The following PCDHA3 variants were observed in gnomAD, a reference collection of about 807,000 sequenced individuals.
PCDHA3 encodes the protein protocadherin alpha 3, also known as protocadherin alpha-3.
A neutral mutation model predicts 62.2 loss-of-function variants in PCDHA3; 41 were observed. The observed-to-expected ratio is 0.66, with a 90% CI of 0.51 to 0.86. The LOEUF (loss-of-function observed/expected upper bound fraction) is 0.86. PCDHA3 is among the 40% of genes least tolerant of loss of function. PCDHA3 has a pLI of 0.00. For synonymous variants in PCDHA3, 640 were observed against 555.4 expected, an observed-to-expected ratio of 1.15 and a Z score of -2.14; for missense variants, 1,304 against 1,241.2, an observed-to-expected ratio of 1.05 and a Z score of -0.76.
chr5:140,967,147 C>A (rs782815903), intron 1 of PCDHA3: 7 of 1,611,068 alleles, frequency 4.3e-6, no homozygotes, highest in South Asian at 2.2e-5. Flanking sequence ...TGGCGCACAA[C>A]CCCGTGGCGG....
At chr5:140,863,761 A>C (rs1000713461) in intron 1 of PCDHA3, 5 of 242,322 alleles carry the variant, frequency 2.1e-5, no homozygotes, top group Non-Finnish European at 3.3e-5. Flanking sequence ...CACTTTGGGA[A>C]GCCGAGGCGG....
chr5:141,007,133 G>A (rs1588151080), intron 3 of PCDHA3, among the ~76,000 whole-genome samples: 1 of 152,128 alleles, frequency 6.6e-6, no homozygotes, highest in South Asian at 2.1e-4. Flanking sequence ...CAGATGAGGA[G>A]ACTGACAAAG....
chr5:140,803,768 C>G, intron 1 of PCDHA3, 177 bp downstream of exon 1: 3 of 1,075,578 alleles, frequency 2.8e-6, no homozygotes, highest in Non-Finnish European at 3.9e-6. Context: ...ATTTTTGAAC[C>G]AAATCAGCAG....
At chr5:141,000,430 T>A (rs1295455270) in intron 3 of PCDHA3, among the ~76,000 whole-genome samples, 2 of 126,420 alleles carry the variant, frequency 1.6e-5, no homozygotes, top group African/African-American at 6.1e-5. Context: ...TATTTTTTTT[T>A]TTTTTTTTTT....
chr5:140,820,435 C>T (rs1296857587), intron 1 of PCDHA3, among the ~76,000 whole-genome samples: 2 of 151,930 alleles, frequency 1.3e-5, no homozygotes, highest in Non-Finnish European at 2.9e-5. Context: ...AATAGAATTG[C>T]TAATCTCTTG....
In PCDHA3 at chr5:141,009,929, G is replaced by A; in HGVS notation, c.2845G>A (p.Asp949Asn). The A allele has an allele frequency of 1.2e-6, 2 of 1,603,732 alleles. No individual in the cohort carries two copies. Among genetic ancestry groups the A allele is most frequent in the Non-Finnish European group, 1.7e-6 (2 of 1,176,576 alleles). Residue 949 changes from aspartate to asparagine, a missense_variant, in exon 4 of 4, where the codon GAC (aspartate) becomes AAC (asparagine). Transcript: ENST00000522353. ...AGGGAACAGCACGACTGACAACAGT[G>A]ACCAGTGAGGTCCTCAAATGGAAAC... is the stretch of plus-strand genomic sequence containing the variant. ...EKGNSTTDNSDQ is the reference protein window; with the variant it reads ...EKGNSTTDNSNQ
At chr5:140,877,910 T>A in intron 1 of PCDHA3, 2 of 1,431,310 alleles carry the variant, frequency 1.4e-6, no homozygotes, top group African/African-American at 2.9e-5. Flanking sequence ...AACTACATTC[T>A]CTCATTTTTC....
chr5:141,007,084 AAG>A lies in PCDHA3; in HGVS notation c.2543-2538_2543-2537del, dbSNP rs576927752. On this transcript the variant is annotated intron_variant, in intron 3 of 3. Transcript: ENST00000522353. ...AGGAGAGAGTGAAGAGAAAATAGAG[AAG>A]AGAGTCTAGGGCCAAACCCAAGGAA... Among the ~76,000 whole-genome samples, 32 of 152,274 alleles carry A rather than the reference AAG, an allele frequency of 2.1e-4. No individual in the cohort carries two copies. The East Asian group carries it at 3.3e-3, about 16-fold the overall frequency.
chr5:140,850,955 C>G (rs782006051), intron 1 of PCDHA3: 1 of 1,482,450 alleles, frequency 6.7e-7, no homozygotes, highest in African/African-American at 1.4e-5. Context: ...ATCGATTACT[C>G]CCAGGGGCCG....
intron 1 of PCDHA3, chr5:140,811,993 T>A (rs1188366962): frequency 8.9e-6 from 1 of 112,226 alleles, no homozygotes; most frequent in Non-Finnish European, 1.8e-5. Context: ...GATTTATTTT[T>A]TACTACCATT....
At position 140,840,122 on chromosome 5, in the gene PCDHA3, T is replaced by A. The variant is rs184520865; in HGVS notation, c.2394+36531T>A. On this transcript the variant is annotated intron_variant, in intron 1 of 3. Coordinates refer to ENST00000522353, the MANE Select transcript of PCDHA3 (RefSeq NM_018906.3). ...TAGTGAAATCGAGTGAAAGCTGTACTAATAAGGACAGAAATTATCACACGT... is the reference window on the plus strand; with the variant it reads ...TAGTGAAATCGAGTGAAAGCTGTACAAATAAGGACAGAAATTATCACACGT... 2.2e-3 allele frequency among the ~76,000 whole-genome samples: 336 copies of A among 152,116 alleles called. 4 individuals are homozygous for A. The highest frequency in any genetic ancestry group is 7.4e-3 in the African/African-American group (307 of 41,470).
chr5:140,829,840 G>T, intron 1 of PCDHA3: 1 of 1,613,938 alleles, frequency 6.2e-7, no homozygotes, highest in Admixed American at 1.7e-5. Flanking sequence ...TGGTGCCGCG[G>T]TCACTGGGTG....
In PCDHA3 at chr5:140,969,225, C is replaced by T. The variant is rs782766938; in HGVS notation, c.2395-9724C>T. 22 of 1,614,118 alleles carry T rather than the reference C, an allele frequency of 1.4e-5. No homozygotes were observed. Among genetic ancestry groups the T allele is most frequent in the East Asian group, 1.3e-4 (6 of 44,872 alleles). Reference sequence around the variant, plus strand: ...GGGGCCCAGACAGGACCAGGGCCTTCGGGAGCCCAAGCAGCAGTGACTGAC... The same window carrying T: ...GGGGCCCAGACAGGACCAGGGCCTTTGGGAGCCCAAGCAGCAGTGACTGAC... On this transcript the variant is annotated intron_variant, in intron 1 of 3. Coordinates refer to ENST00000522353, the MANE Select transcript of PCDHA3 (RefSeq NM_018906.3).
intron 1 of PCDHA3, chr5:140,867,045 T>C (rs1232896642): frequency 6.6e-6 from 1 of 152,200 alleles, no homozygotes; most frequent in Non-Finnish European, 1.5e-5. Flanking sequence ...ACTTGGCGTT[T>C]GTTCAGTACT....
At chr5:140,870,417 C>T (rs2051990915) in intron 1 of PCDHA3, 1 of 1,614,092 alleles carries the variant, frequency 6.2e-7, no homozygotes, top group Admixed American at 1.7e-5. Flanking sequence ...GGGCCACGGC[C>T]AGGGTATCCG....
At chr5:140,862,471 C>G in intron 1 of PCDHA3, 3 of 374,584 alleles carry the variant, frequency 8.0e-6, no homozygotes, top group Non-Finnish European at 1.6e-5. Context: ...GAGAGCAAAT[C>G]TATCCATTGT....
intron 1 of PCDHA3, chr5:140,884,355 T>A (rs1562803326): frequency 1.9e-6 from 3 of 1,613,922 alleles, no homozygotes; most frequent in East Asian, 2.2e-5. Context: ...CTGGTGGATG[T>A]CAATGTTTAC....
At chr5:140,854,858 T>C (rs2043245736) in intron 1 of PCDHA3, among the ~76,000 whole-genome samples, 1 of 149,904 alleles carries the variant, frequency 6.7e-6, no homozygotes. Flanking sequence ...AATTACTAGA[T>C]ATATTTCAGA....
chr5:140,930,098 A>G (rs1345846320), intron 1 of PCDHA3: 1 of 152,124 alleles, frequency 6.6e-6, no homozygotes, highest in Non-Finnish European at 1.5e-5. Flanking sequence ...ATTTATACTG[A>G]TAGGAGATCA....
Sources: gnomAD v4.1 joint callset for allele counts (sites outside exome capture counted in the v4.1 genomes callset) on GRCh38, gnomAD v4.1.1 for gene constraint, MANE v1.5 for transcripts, NCBI Gene and HGNC (gene_info 2026-07-23, HGNC 2026-07-21) for gene names.